GMDS: variants seen among roughly 807,000 people sequenced by gnomAD.
The protein encoded by GMDS is GDP-mannose 4,6-dehydratase, also known as GDP-mannose 4,6 dehydratase.
A neutral mutation model predicts 49.9 loss-of-function variants in GMDS; 20 were observed. The observed-to-expected ratio is 0.40, with a 90% confidence interval of 0.28 to 0.58. The LOEUF (loss-of-function observed/expected upper bound fraction) is 0.58, where lower values mean the gene tolerates loss of function less well. GMDS is among the 20% of genes least tolerant of loss of function. GMDS has a pLI of 0.42. For missense variants in GMDS, 362 were observed against 481.4 expected (o/e 0.75, Z 2.32); for synonymous variants, 177 against 178.6 (o/e 0.99, Z 0.07).
At chr6:2,074,336 G>A (rs1772191882) in intron 4 of GMDS, among the ~76,000 whole-genome samples, 1 of 152,060 alleles carries the variant, frequency 6.6e-6, no homozygotes, top group African/African-American at 2.4e-5. Context: ...TCCATTTATG[G>A]GCTTTGCCTA....
At chr6:2,162,889 A>G (rs1196910466) in intron 1 of GMDS, among the ~76,000 whole-genome samples, 2 of 152,112 alleles carry the variant, frequency 1.3e-5, no homozygotes, top group African/African-American at 4.8e-5. Context: ...GGCCACTGCA[A>G]TTTCAGTTCA....
rs560037256 is a variant in GMDS at position 1,754,674 on chromosome 6, T to C, written c.772-12088A>G. ...ATCCAGTAGCACATCAAAAAGCTTA[T>C]CCACCACGATCAAGTCGGCTTCATC... On this transcript the variant is annotated intron_variant, in intron 7 of 10. Coordinates refer to ENST00000380815, the MANE Select transcript of GMDS (RefSeq NM_001500.4). Among the ~76,000 whole-genome samples the C allele has an allele frequency of 3.9e-5, 6 of 152,290 alleles. No individual in the cohort carries two copies. In the South Asian group the frequency reaches 1.2e-3, roughly 32 times the overall value.
At chr6:2,052,154 A>G (rs1770456657) in intron 4 of GMDS, among the ~76,000 whole-genome samples, 1 of 151,132 alleles carries the variant, frequency 6.6e-6, no homozygotes, top group African/African-American at 2.4e-5. Flanking sequence ...CAGAAAAGAA[A>G]AATAGGCTAA....
intron 4 of GMDS, among the ~76,000 whole-genome samples, chr6:1,972,612 G>T (rs1421476885): frequency 6.6e-6 from 1 of 152,202 alleles, no homozygotes; most frequent in African/African-American, 2.4e-5. Flanking sequence ...TAAAATGCAT[G>T]TCTTTATTTT....
chr6:2,112,224 C>T (rs1333893549), intron 4 of GMDS, among the ~76,000 whole-genome samples: 1 of 152,204 alleles, frequency 6.6e-6, no homozygotes. Context: ...TTGATACAAA[C>T]ATATATCATA....
At chr6:1,904,418 C>G (rs1255700512) in intron 7 of GMDS, among the ~76,000 whole-genome samples, 1 of 152,186 alleles carries the variant, frequency 6.6e-6, no homozygotes, top group East Asian at 1.9e-4. Flanking sequence ...CTGCCCCCTC[C>G]TCGGCAACAC....
intron 1 of GMDS, among the ~76,000 whole-genome samples, chr6:2,170,839 C>CA (rs923979856): frequency 2.6e-5 from 4 of 151,654 alleles, no homozygotes; most frequent in African/African-American, 9.7e-5. Flanking sequence ...ACTAAAAATA[C>CA]AAAAAATTAG....
intron 9 of GMDS, among the ~76,000 whole-genome samples, chr6:1,648,574 G>A (rs1489551653): frequency 5.3e-5 from 8 of 152,222 alleles, no homozygotes; most frequent in Non-Finnish European, 7.3e-5. Context: ...TTTTGAACAC[G>A]TAAAGAATAT....
At chr6:2,224,197 G>A (rs773534242) in intron 1 of GMDS, among the ~76,000 whole-genome samples, 1 of 152,194 alleles carries the variant, frequency 6.6e-6, no homozygotes, top group Non-Finnish European at 1.5e-5. Context: ...TAAGAAAATG[G>A]ACATAGTGAC....
At chr6:1,888,467 T>C (rs755940334) in intron 7 of GMDS, among the ~76,000 whole-genome samples, 7 of 152,036 alleles carry the variant, frequency 4.6e-5, no homozygotes, top group Non-Finnish European at 1.0e-4. Flanking sequence ...AAGAACACCA[T>C]GGGGGAAACG....
At chr6:2,116,720 T>C (rs150516091) in intron 3 of GMDS, among the ~76,000 whole-genome samples, 1 of 152,348 alleles carries the variant, frequency 6.6e-6, no homozygotes, top group Non-Finnish European at 1.5e-5. Context: ...ACAAGCTGAC[T>C]GTATCGTCCT....
intron 7 of GMDS, among the ~76,000 whole-genome samples, chr6:1,772,517 T>C (rs1768621605): frequency 6.6e-6 from 1 of 152,230 alleles, no homozygotes; most frequent in African/African-American, 2.4e-5. Flanking sequence ...AAATTCTACT[T>C]ATTTCTTCAA....
At chr6:2,012,700 C>T (rs1360757121) in intron 4 of GMDS, among the ~76,000 whole-genome samples, 1 of 151,966 alleles carries the variant, frequency 6.6e-6, no homozygotes, top group East Asian at 1.9e-4. Context: ...GAAGGAGAAA[C>T]CGCCAGGAAA....
intron 4 of GMDS, among the ~76,000 whole-genome samples, chr6:2,064,710 T>C (rs1771431375): frequency 6.6e-6 from 1 of 152,164 alleles, no homozygotes; most frequent in South Asian, 2.1e-4. Flanking sequence ...GAGGGCAGCC[T>C]GGTCAGTTAA....
intron 7 of GMDS, among the ~76,000 whole-genome samples, chr6:1,752,146 T>C (rs4546532): frequency 0.56 from 84,801 of 151,982 alleles, 24,334 homozygotes; most frequent in African/African-American, 0.68. Flanking sequence ...GAGAAAATGT[T>C]AGATGAATTG....
chr6:2,112,858 C>T (rs993077810), intron 4 of GMDS, among the ~76,000 whole-genome samples: 3 of 152,040 alleles, frequency 2.0e-5, no homozygotes, highest in African/African-American at 7.2e-5. Context: ...CCACCCTCTG[C>T]CTCCTCCACT....
chr6:2,234,721 T>C (rs1196386), intron 1 of GMDS, among the ~76,000 whole-genome samples: 3,294 of 152,278 alleles, frequency 0.022, 131 homozygotes, highest in African/African-American at 0.076. Flanking sequence ...CAGAGAAACA[T>C]TCTCAAAAAT....
At chr6:2,062,028 T>C (rs1423629842) in intron 4 of GMDS, among the ~76,000 whole-genome samples, 1 of 152,232 alleles carries the variant, frequency 6.6e-6, no homozygotes, top group Non-Finnish European at 1.5e-5. Context: ...GTTCGGCAGC[T>C]GAATAAAATT....
At chr6:1,710,646 G>A (rs1222855735) in intron 9 of GMDS, among the ~76,000 whole-genome samples, 3 of 152,188 alleles carry the variant, frequency 2.0e-5, no homozygotes, top group Non-Finnish European at 4.4e-5. Flanking sequence ...TGGGGTCAGG[G>A]AAGCTGAGAC....
Sources: gnomAD v4.1 joint callset for allele counts (sites outside exome capture counted in the v4.1 genomes callset) on GRCh38, gnomAD v4.1.1 for gene constraint, MANE v1.5 for transcripts, NCBI Gene and HGNC (gene_info 2026-07-23, HGNC 2026-07-21) for gene names.